Variants in SLC6A6 observed in about 807,000 individuals in gnomAD.
The protein encoded by SLC6A6 is sodium- and chloride-dependent taurine transporter.
A neutral mutation model predicts 68.8 loss-of-function variants in SLC6A6; 16 were observed. The observed-to-expected ratio is 0.23, with a 90% CI of 0.16 to 0.35. The LOEUF is 0.35. SLC6A6 is among the 10% of genes least tolerant of loss of function. The pLI is 1.00. For synonymous variants in SLC6A6, 312 were observed against 315.4 expected (o/e 0.99, Z 0.12); for missense variants, 474 against 802.8 (o/e 0.59, Z 4.95).
chr3:14,469,223 C>T (rs1465720091), intron 9 of SLC6A6, among the ~76,000 whole-genome samples: 2 of 152,074 alleles, frequency 1.3e-5, no homozygotes, highest in Non-Finnish European at 2.9e-5. Flanking sequence ...CCCCCAGCCC[C>T]ACCCCGTCCA....
intron 9 of SLC6A6, among the ~76,000 whole-genome samples, chr3:14,471,130 C>CT (rs754511089): frequency 0.82 from 67,921 of 83,084 alleles, 28,296 homozygotes; most frequent in Non-Finnish European, 0.88. Context: ...TGCTTCTTGA[C>CT]TTTTTTTTTT....
chr3:14,453,327 C>T (rs1019547957), intron 5 of SLC6A6, among the ~76,000 whole-genome samples: 4 of 152,234 alleles, frequency 2.6e-5, no homozygotes, highest in Non-Finnish European at 5.9e-5. Flanking sequence ...ATGCAGCTTA[C>T]CTCGGAGTCT....
intron 14 of SLC6A6, among the ~76,000 whole-genome samples, chr3:14,482,536 A>G (rs1701032246): frequency 6.6e-6 from 1 of 152,184 alleles, no homozygotes; most frequent in African/African-American, 2.4e-5. Flanking sequence ...GCTGGCTCCA[A>G]GAGTGCACTG....
intron 11 of SLC6A6, 90 bp from the exon 12 acceptor site, chr3:14,478,376 T>A (rs948915089): frequency 5.2e-6 from 4 of 766,236 alleles, no homozygotes; most frequent in East Asian, 4.9e-5. Flanking sequence ...TGGGTTTTTT[T>A]AATCTTATTG....
intron 2 of SLC6A6, among the ~76,000 whole-genome samples, chr3:14,431,696 CCGACAGTGCTAGTTCCCCACCCTG>C (rs1379721261): frequency 1.3e-5 from 2 of 152,178 alleles, no homozygotes; most frequent in Non-Finnish European, 2.9e-5. Flanking sequence ...GCACCGGTGA[CCGACAGTGCTAGTTCCCCACCCTG>C]TCTTGCTAAA....
chr3:14,425,413 C>T (rs894899391), intron 2 of SLC6A6, among the ~76,000 whole-genome samples: 1 of 151,848 alleles, frequency 6.6e-6, no homozygotes, highest in Non-Finnish European at 1.5e-5. Context: ...AGGGAGGGCC[C>T]CTCCTCTCCA....
intron 5 of SLC6A6, among the ~76,000 whole-genome samples, chr3:14,448,548 GAAACGGTCAATCC>G (rs1168291951): frequency 6.6e-5 from 10 of 152,218 alleles, no homozygotes; most frequent in Admixed American, 6.5e-4. Context: ...CTAGGAACAA[GAAACGGTCAATCC>G]CCGAAACCCA....
chr3:14,441,163 A>G (rs1481186020), intron 2 of SLC6A6, among the ~76,000 whole-genome samples: 1 of 151,788 alleles, frequency 6.6e-6, no homozygotes, highest in Non-Finnish European at 1.5e-5. Context: ...AGTGAAGCAG[A>G]CCCCAGCTCC....
At chr3:14,428,999 G>A (rs1317456256) in intron 2 of SLC6A6, among the ~76,000 whole-genome samples, 1 of 152,174 alleles carries the variant, frequency 6.6e-6, no homozygotes, top group Non-Finnish European at 1.5e-5. Context: ...CCCCTCGCCT[G>A]CTGCAGAGAC....
chr3:14,411,847 G>C (rs1265569461), intron 1 of SLC6A6, among the ~76,000 whole-genome samples: 1 of 152,222 alleles, frequency 6.6e-6, no homozygotes, highest in Non-Finnish European at 1.5e-5. Context: ...TGGTGAACAA[G>C]ACAGACCAAA....
Position 14,472,186 on chromosome 3 carries a change from C to A in SLC6A6, c.1097-19C>A, listed in dbSNP as rs371141646. The A allele has an allele frequency of 6.6e-7, 1 of 1,521,272 alleles. No homozygotes were observed. Among genetic ancestry groups the A allele is most frequent in the Non-Finnish European group, 9.1e-7 (1 of 1,095,452 alleles). 94.2% of individuals were successfully genotyped at this position (1,521,272 alleles called of 1,614,324 possible). On this transcript the variant is annotated intron_variant, in intron 9 of 14. Transcript: ENST00000622186. This position sits in a 1 kb window ranked among gnomAD's most constrained non-coding sequence, Gnocchi z 4.5. Reference sequence around the variant, plus strand: ...ATGTCTCCTCCCCTGTGCCCCTCCCCGTTTTCTTTCCTTTCTAGGTCCTGG... The same window carrying A: ...ATGTCTCCTCCCCTGTGCCCCTCCCAGTTTTCTTTCCTTTCTAGGTCCTGG...
At chr3:14,457,912 G>A in intron 5 of SLC6A6, 38 bp from the exon 6 acceptor site, 1 of 1,611,652 alleles carries the variant, frequency 6.2e-7, no homozygotes, top group Non-Finnish European at 8.5e-7. Flanking sequence ...TCCAGGGCCA[G>A]GCCCCTCACT....
rs149182616 is a variant in SLC6A6 at position 14,417,878 on chromosome 3, G to C, written c.-12+1425G>C. Among the ~76,000 whole-genome samples, 67 of 152,254 alleles carry C rather than the reference G, an allele frequency of 4.4e-4. No homozygotes were observed. The East Asian group carries it at 0.012, about 28-fold the overall frequency. On this transcript the variant is annotated intron_variant, in intron 2 of 14. Transcript: ENST00000622186. ...ACTGATTGTCTCAGTGTTTACAGCA[G>C]CCTTATTTTTCTTTTAGTTCAGGAT...
At chr3:14,415,809 C>A (rs1699351298) in intron 1 of SLC6A6, among the ~76,000 whole-genome samples, 1 of 152,144 alleles carries the variant, frequency 6.6e-6, no homozygotes, top group Non-Finnish European at 1.5e-5. Context: ...TGATTCTCGC[C>A]CCTGAACTGG....
intron 10 of SLC6A6, among the ~76,000 whole-genome samples, chr3:14,473,198 G>A (rs1031404808): frequency 1.3e-5 from 2 of 152,208 alleles, no homozygotes; most frequent in Non-Finnish European, 2.9e-5. Flanking sequence ...GGAAATAGGT[G>A]TATTTTTGAC....
Position 14,402,672 on chromosome 3 carries a change from C to A in SLC6A6, c.-229C>A, listed in dbSNP as rs896716368. 4 of 398,232 alleles carry A rather than the reference C, an allele frequency of 1.0e-5. No individual in the cohort carries two copies. The highest frequency in any genetic ancestry group is 1.8e-5 in the Non-Finnish European group (4 of 225,894). 24.7% of individuals were successfully genotyped at this position (398,232 alleles called of 1,614,324 possible). A position where few individuals can be genotyped will look rare whatever the true frequency, so the allele number is the denominator to read the frequency against. On this transcript the variant is annotated 5_prime_UTR_variant, in exon 1 of 15. Coordinates refer to ENST00000622186, the MANE Select transcript of SLC6A6 (RefSeq NM_003043.6). This position sits in a 1 kb window ranked among gnomAD's most constrained non-coding sequence, Gnocchi z 4.8. ...GAAGCCGCTTATAAATTACCGCTTCCTTCGCGCCGCCGCCAACGCCGAGCC... is the reference window on the plus strand; with the variant it reads ...GAAGCCGCTTATAAATTACCGCTTCATTCGCGCCGCCGCCAACGCCGAGCC...
At chr3:14,421,935 C>T (rs2124912387) in intron 2 of SLC6A6, among the ~76,000 whole-genome samples, 1 of 152,258 alleles carries the variant, frequency 6.6e-6, no homozygotes, top group South Asian at 2.1e-4. Context: ...GTGAGGATGT[C>T]TTGGGTGCAT....
In SLC6A6 at chr3:14,483,901, C is replaced by G. The variant is rs556286654; in HGVS notation, c.1723-966C>G. Among the ~76,000 whole-genome samples, 3 of 152,180 alleles carry G rather than the reference C, an allele frequency of 2.0e-5. No individual in the cohort carries two copies. The South Asian group carries it at 6.2e-4, about 32-fold the overall frequency. ...GGTCTCACTGTGTTGCCCAGACTGC[C>G]TTTAAATCCTGACCTTGAGCGATCC... On this transcript the variant is annotated intron_variant, in intron 14 of 14. Transcript: ENST00000622186.
At chr3:14,427,556 A>G (rs1032021022) in intron 2 of SLC6A6, among the ~76,000 whole-genome samples, 2 of 152,150 alleles carry the variant, frequency 1.3e-5, no homozygotes, top group African/African-American at 2.4e-5. Flanking sequence ...ATAATGCCTA[A>G]AGGAGGGGTC....
Sources: gnomAD v4.1 joint callset for allele counts (sites outside exome capture counted in the v4.1 genomes callset) on GRCh38, gnomAD v4.1.1 for gene constraint, Gnocchi (gnomAD v3.1) non-coding constraint, MANE v1.5 for transcripts, NCBI Gene and HGNC (gene_info 2026-07-23, HGNC 2026-07-21) for gene names.